Variants in ZNF345 observed in about 807,000 individuals in gnomAD.
ZNF345 encodes the protein zinc finger protein 345.
For synonymous variants in ZNF345, 166 were observed against 187.9 expected (o/e 0.88, Z 0.95); for missense variants, 527 against 589.9 (o/e 0.89, Z 1.10).
chr19:36,887,481 A>T (rs948256147), intron 3 of ZNF345, among the ~76,000 whole-genome samples: 1 of 152,226 alleles, frequency 6.6e-6, no homozygotes. Flanking sequence ...TATTGCTTTT[A>T]TAATTATTCT....
chr19:36,850,912 G>C lies in ZNF345; in HGVS notation c.-178G>C, dbSNP rs572997408. ...AGCGGCCTTGGGGCTTTGTGAGATAGCTAGGGTCGACTTGTGTGGATTCTA... is the reference window on the plus strand; with the variant it reads ...AGCGGCCTTGGGGCTTTGTGAGATACCTAGGGTCGACTTGTGTGGATTCTA... On this transcript the variant is annotated 5_prime_UTR_variant, in exon 1 of 3. Coordinates refer to ENST00000420450, the MANE Select transcript of ZNF345 (RefSeq NM_001242472.2). The C allele has an allele frequency of 1.3e-5, 2 of 152,370 alleles. No homozygotes were observed. The highest frequency in any genetic ancestry group is 2.9e-5 in the Non-Finnish European group (2 of 68,108). The allele number at this position is 152,370 out of a possible 1,614,324, so 9.4% of individuals were successfully genotyped here.
intron 3 of ZNF345, among the ~76,000 whole-genome samples, chr19:36,886,823 T>TA (rs879348545): frequency 0.013 from 1,826 of 141,662 alleles, 33 homozygotes; most frequent in African/African-American, 0.041. Context: ...CCGTCTCTAC[T>TA]AAAAAAAAAA....
Position 36,877,408 on chromosome 19 carries a change from A to G in ZNF345, c.578A>G (p.His193Arg), listed in dbSNP as rs1433966629. The change falls in exon 3 of 3, where the codon CAC (histidine) becomes CGC (arginine). Residue 193 changes from histidine to arginine, a missense_variant. His to Arg is a conservative substitution (Grantham distance 29). Transcript: ENST00000420450. ...TTTGAATCAGCCCTTATTCGGCATC[A>G]CAGAATTCACACAGGTGAGAAACCT... ...FSFESALIRH[H>R]RIHTGEKPYE... is the part of the protein sequence containing the mutation. The G allele has an allele frequency of 3.7e-6, 6 of 1,614,140 alleles. No homozygotes were observed. In the Admixed American group the frequency reaches 5.0e-5, roughly 13 times the overall value.
Position 36,877,353 on chromosome 19 carries a change from G to C in ZNF345, c.523G>C (p.Glu175Gln). ...QIIHSGEKPY[E>Q]CKECGKSFSF... ...CATTCACAGTGGTGAGAAGCCTTAT[G>C]AGTGTAAGGAATGTGGGAAGTCCTT... Residue 175 changes from glutamate (E) to glutamine (Q), a missense_variant, in exon 3 of 3, where the codon GAG (glutamate) becomes CAG (glutamine). By Grantham distance (29) the Glu-to-Gln change is conservative. Coordinates refer to ENST00000420450, the MANE Select transcript of ZNF345 (RefSeq NM_001242472.2). The C allele has an allele frequency of 6.2e-7, 1 of 1,614,166 alleles. No homozygotes were observed.
chr19:36,872,279 G>C (rs563206885), intron 2 of ZNF345, among the ~76,000 whole-genome samples: 1 of 152,274 alleles, frequency 6.6e-6, no homozygotes, highest in Non-Finnish European at 1.5e-5. Context: ...CTCTACTACT[G>C]TTGATGCCAA....
At chr19:36,854,848 T>G (rs940005463) in intron 2 of ZNF345, among the ~76,000 whole-genome samples, 3 of 151,178 alleles carry the variant, frequency 2.0e-5, no homozygotes, top group Non-Finnish European at 2.9e-5. Context: ...TTCTTTTTTT[T>G]CTTTTCTTTT....
chr19:36,887,775 A>G (rs1182241677), intron 3 of ZNF345, among the ~76,000 whole-genome samples: 2 of 152,172 alleles, frequency 1.3e-5, no homozygotes, highest in African/African-American at 4.8e-5. Context: ...ATTTTACTCC[A>G]TCTAATGGCA....
intron 3 of ZNF345, among the ~76,000 whole-genome samples, chr19:36,887,607 A>G (rs901071507): frequency 2.0e-5 from 3 of 152,190 alleles, no homozygotes; most frequent in Admixed American, 2.0e-4. Context: ...CGGATTTATC[A>G]TGATTTGAGT....
chr19:36,885,231 A>G (rs1428886402), intron 3 of ZNF345, among the ~76,000 whole-genome samples: 1 of 151,932 alleles, frequency 6.6e-6, no homozygotes, highest in Non-Finnish European at 1.5e-5. Context: ...ATAAGTATGT[A>G]GAAAGTTACA....
Position 36,878,287 on chromosome 19 carries a change from CTA to C in ZNF345, c.1460_1461del (p.Ile487LysfsTer14). 6.4e-7 allele frequency: 1 copy of C among 1,564,482 alleles called. No individual in the cohort carries two copies. The highest frequency in any genetic ancestry group is 8.6e-7 in the Non-Finnish European group (1 of 1,159,508). On this transcript the variant is annotated frameshift_variant, in exon 3 of 3. Transcript: ENST00000420450. LOFTEE classifies it high-confidence loss of function. ...GGTAAGAAACTCTGCGAATTGGAAA[CTA>C]TAAATTGAAATTATGTGCTGAAGGA...
intron 2 of ZNF345, among the ~76,000 whole-genome samples, chr19:36,868,036 T>G (rs2072696391): frequency 6.7e-6 from 1 of 148,336 alleles, no homozygotes; most frequent in African/African-American, 2.5e-5. Context: ...AGAGTCTTGC[T>G]GTGTCGCCCA....
At chr19:36,860,119 G>A (rs940912609) in intron 2 of ZNF345, among the ~76,000 whole-genome samples, 7 of 151,820 alleles carry the variant, frequency 4.6e-5, no homozygotes, top group African/African-American at 7.3e-5. Context: ...CACCACACCC[G>A]GCTAATTTTT....
intron 2 of ZNF345, among the ~76,000 whole-genome samples, chr19:36,868,002 C>CTTTTTT (rs569167997): frequency 6.1e-4 from 78 of 127,032 alleles, no homozygotes; most frequent in African/African-American, 2.1e-3. Flanking sequence ...TGAGGAGTGG[C>CTTTTTT]TTTTTTTTTT....
At chr19:36,851,082 G>C (rs1407124006) in intron 1 of ZNF345, 114 bp downstream of exon 1, 1 of 152,798 alleles carries the variant, frequency 6.5e-6, no homozygotes, top group Non-Finnish European at 1.5e-5. Context: ...GACTGGGGGC[G>C]TGTGTCTGTG....
rs533098630 is a variant in ZNF345 at position 36,884,838 on chromosome 19, A to G, written c.46+7962A>G. Among the ~76,000 whole-genome samples, 3 of 152,324 alleles carry G rather than the reference A, an allele frequency of 2.0e-5. No homozygotes were observed. The East Asian group carries it at 5.8e-4, about 29-fold the overall frequency. On this transcript the variant is annotated intron_variant, in intron 3 of 3. Coordinates refer to the ZNF345 transcript ENST00000526123. ...CCTCCCAGTACCCAAGGTAAAGGCA[A>G]GACCTCTCTTTGGGTGAAGTTAATT... is the stretch of plus-strand genomic sequence containing the variant.
intron 3 of ZNF345, chr19:36,891,951 A>G (rs2073058063): frequency 1.2e-6 from 2 of 1,613,472 alleles, no homozygotes; most frequent in Non-Finnish European, 1.7e-6. Context: ...AAAGTTGTGA[A>G]CTTTTAGTAA....
chr19:36,856,028 A>G (rs530446516), intron 2 of ZNF345, among the ~76,000 whole-genome samples: 41 of 152,352 alleles, frequency 2.7e-4, no homozygotes, highest in African/African-American at 9.6e-4. Flanking sequence ...AAGAAGAGAT[A>G]ATAATTTTCT....
At chr19:36,868,098 G>A (rs551080433) in intron 2 of ZNF345, among the ~76,000 whole-genome samples, 50 of 150,430 alleles carry the variant, frequency 3.3e-4, no homozygotes, top group Non-Finnish European at 5.9e-5. Flanking sequence ...TGCTTCCTGC[G>A]TTCCAAAAAT....
chr19:36,861,859 C>A (rs1331281057), intron 2 of ZNF345, among the ~76,000 whole-genome samples: 3 of 131,756 alleles, frequency 2.3e-5, no homozygotes, highest in Admixed American at 1.6e-4. Flanking sequence ...CATGCCCAGC[C>A]TTTTTTTTTT....
Sources: gnomAD v4.1 joint callset for allele counts (sites outside exome capture counted in the v4.1 genomes callset) on GRCh38, gnomAD v4.1.1 for gene constraint, MANE v1.5 for transcripts, NCBI Gene and HGNC (gene_info 2026-07-23, HGNC 2026-07-21) for gene names.